The following MAP2K2 variants were observed in gnomAD, a reference collection of about 807,000 sequenced individuals.
MAP2K2 encodes dual specificity mitogen-activated protein kinase kinase 2.
MAP2K2 carries 24 observed loss-of-function variants against 43.7 expected under a neutral mutation model. The observed-to-expected ratio is 0.55, with a 90% CI of 0.40 to 0.77. The LOEUF (loss-of-function observed/expected upper bound fraction) is 0.77. Ranked by LOEUF, MAP2K2 falls within the 30% of genes least tolerant of loss-of-function variation. The probability of loss-of-function intolerance (pLI) is 0.00; values close to 1 mark genes in which losing one functional copy is unlikely to be tolerated. For synonymous variants in MAP2K2, 244 were observed against 239.7 expected, an observed-to-expected ratio of 1.02 and a Z score of -0.17; for missense variants, 470 against 566.8, an observed-to-expected ratio of 0.83 and a Z score of 1.73.
rs564816566 is a variant in MAP2K2, at chr19:4,122,677, C to T, written c.92+1107G>A. Among the ~76,000 whole-genome samples the T allele has an allele frequency of 3.2e-3, 484 of 150,038 alleles. 1 individual carries two copies. The highest frequency in any genetic ancestry group is 0.011 in the African/African-American group (464 of 40,638). The stretch of plus-strand genomic sequence containing the variant: ...TCTCACGACTTAGGGATTCCAAACC[C>T]CATCTTTTCCCCAAAGGGATCTCCC... On this transcript the variant is annotated intron_variant, in intron 1 of 10. Coordinates refer to ENST00000262948, the MANE Select transcript of MAP2K2 (RefSeq NM_030662.4).
At chr19:4,099,046 C>G (rs749137593) in intron 7 of MAP2K2, 155 bp downstream of exon 7, 20 of 669,868 alleles carry the variant, frequency 3.0e-5, no homozygotes, top group Admixed American at 7.6e-5. Flanking sequence ...CCGGAAACCC[C>G]AGGACCATGG....
At position 4,099,313 on chromosome 19, in the gene MAP2K2, C is replaced by T. The variant is rs779598598; in HGVS notation, c.807G>A (p.Pro269=). 12 of 1,607,364 alleles carry T rather than the reference C, an allele frequency of 7.5e-6. No homozygotes were observed. Among genetic ancestry groups the T allele is most frequent in the South Asian group, 3.3e-5 (3 of 90,256 alleles). Residue 269 remains proline (P), a synonymous_variant, in exon 7 of 11, where the codon CCG becomes CCA. Coordinates refer to ENST00000262948, the MANE Select transcript of MAP2K2 (RefSeq NM_030662.4). The part of the protein sequence containing the change: ...ELAVGRYPIP[P]PDAKELEAIF... The stretch of plus-strand genomic sequence containing the variant: ...TGGCCTCCAGCTCTTTGGCGTCGGG[C>T]GGGGGGATGGGGTACCTTCCGACGG...
intron 1 of MAP2K2, among the ~76,000 whole-genome samples, chr19:4,118,099 G>C (rs1041148784): frequency 2.6e-5 from 4 of 152,040 alleles, no homozygotes; most frequent in African/African-American, 9.7e-5. Context: ...CACCATGCCC[G>C]GCTAATTTTT....
intron 2 of MAP2K2, among the ~76,000 whole-genome samples, chr19:4,112,173 G>C (rs930720924): frequency 1.3e-5 from 2 of 152,238 alleles, no homozygotes; most frequent in Non-Finnish European, 2.9e-5. Flanking sequence ...CCGCCACAGA[G>C]GCAAAGCCAG....
intron 3 of MAP2K2, among the ~76,000 whole-genome samples, chr19:4,109,623 C>G (rs1414748778): frequency 6.6e-6 from 1 of 152,072 alleles, no homozygotes; most frequent in Non-Finnish European, 1.5e-5. Flanking sequence ...TTAAAACAGG[C>G]ACGTGCCACC....
At chr19:4,106,625 C>T (rs941476883) in intron 3 of MAP2K2, among the ~76,000 whole-genome samples, 2 of 152,104 alleles carry the variant, frequency 1.3e-5, no homozygotes, top group Non-Finnish European at 2.9e-5. Flanking sequence ...CCAGGATGGT[C>T]TTGAACTCTT....
rs1408360787 is a variant in MAP2K2, at chr19:4,123,832, T to C, written c.44A>G (p.Asn15Ser). ...RKPVLPALTINPTIAEGPSPT... is the reference protein window; with the variant it reads ...RKPVLPALTISPTIAEGPSPT... ...GGATGGGCCCTCGGCGATGGTAGGG[T>C]TGATGGTGAGCGCCGGCAGCACCGG... The change falls in exon 1 of 11, where the codon AAC becomes AGC. Residue 15 changes from asparagine to serine, a missense_variant. By Grantham distance (46) the Asn-to-Ser change is conservative. Around this residue, in one of 3 missense-constraint regions of MAP2K2, gnomAD observed 58 missense variants for 48.0 expected, o/e 1.21. Coordinates refer to ENST00000262948, the MANE Select transcript of MAP2K2 (RefSeq NM_030662.4). 3.2e-6 allele frequency: 5 copies of C among 1,545,508 alleles called. No individual in the cohort carries two copies. Among genetic ancestry groups the C allele is most frequent in the East Asian group, 5.1e-5 (2 of 38,968 alleles).
rs187023594 is a variant in MAP2K2 at position 4,112,300 on chromosome 19, C to A, written c.304-1645G>T. ...AGACCACCTCAATGTGGCAAAAAGT[C>A]CACCAAGGAGAATCAACCCAGGTGC... On this transcript the variant is annotated intron_variant, in intron 2 of 10. Coordinates refer to ENST00000262948, the MANE Select transcript of MAP2K2 (RefSeq NM_030662.4). Among the ~76,000 whole-genome samples, 16 of 152,338 alleles carry A rather than the reference C, an allele frequency of 1.1e-4. No homozygotes were observed. In the East Asian group the frequency reaches 3.1e-3, roughly 29 times the overall value.
intron 6 of MAP2K2, 158 bp downstream of exon 6, chr19:4,100,861 G>A: frequency 1.2e-6 from 1 of 835,958 alleles, no homozygotes; most frequent in Non-Finnish European, 1.9e-6. Flanking sequence ...CCTCGTGGGA[G>A]GCGGGGAGAG....
intron 9 of MAP2K2, chr19:4,094,886 G>A (rs946716627): frequency 1.3e-5 from 5 of 398,222 alleles, no homozygotes; most frequent in South Asian, 9.1e-5. Flanking sequence ...GCCGTTCCAC[G>A]GCGTCCCGAG....
intron 1 of MAP2K2, among the ~76,000 whole-genome samples, chr19:4,120,616 C>A (rs2041281034): frequency 6.6e-6 from 1 of 152,234 alleles, no homozygotes; most frequent in Non-Finnish European, 1.5e-5. Context: ...CACACCCAGC[C>A]ATGAATGAAC....
At chr19:4,110,374 T>C in intron 3 of MAP2K2, 135 bp downstream of exon 3, 6 of 1,055,590 alleles carry the variant, frequency 5.7e-6, no homozygotes, top group Non-Finnish European at 7.1e-6. Flanking sequence ...TGGCATCGAC[T>C]GCCTTGAGAA....
At chr19:4,121,461 A>C (rs1044773103) in intron 1 of MAP2K2, among the ~76,000 whole-genome samples, 1 of 151,272 alleles carries the variant, frequency 6.6e-6, no homozygotes, top group Admixed American at 6.6e-5. Flanking sequence ...ATGCCCTCTC[A>C]GAGATGCCCA....
At chr19:4,102,769 C>A in intron 3 of MAP2K2, 5 of 1,273,318 alleles carry the variant, frequency 3.9e-6, no homozygotes, top group Non-Finnish European at 5.0e-6. Flanking sequence ...GCCCAAGCCG[C>A]GGCCGGGGGC....
intron 10 of MAP2K2, among the ~76,000 whole-genome samples, chr19:4,092,141 G>C (rs577644698): frequency 1.3e-5 from 2 of 152,314 alleles, no homozygotes; most frequent in South Asian, 2.1e-4. Flanking sequence ...CCAGGACCTT[G>C]GGCCCCTGAA....
chr19:4,113,983 G>A lies in MAP2K2; in HGVS notation c.304-3328C>T, dbSNP rs180750226. 3.9e-5 allele frequency among the ~76,000 whole-genome samples: 6 copies of A among 152,320 alleles called. No individual in the cohort carries two copies. In the East Asian group the frequency reaches 9.6e-4, roughly 24 times the overall value. Reference sequence around the variant, plus strand: ...CCCACACTGCGCTTCCAAACATCCTGAATTAGGTGTTGTCAAAAATTGGAA... The same window carrying A: ...CCCACACTGCGCTTCCAAACATCCTAAATTAGGTGTTGTCAAAAATTGGAA... On this transcript the variant is annotated intron_variant, in intron 2 of 10. Coordinates refer to ENST00000262948, the MANE Select transcript of MAP2K2 (RefSeq NM_030662.4).
At chr19:4,107,774 A>G (rs907830388) in intron 3 of MAP2K2, among the ~76,000 whole-genome samples, 8 of 152,176 alleles carry the variant, frequency 5.3e-5, no homozygotes, top group African/African-American at 1.9e-4. Flanking sequence ...ATGAGGAAAC[A>G]GCGTAGAAAT....
intron 8 of MAP2K2, 73 bp downstream of exon 8, chr19:4,097,206 A>C: frequency 2.0e-5 from 4 of 199,514 alleles, no homozygotes; most frequent in Non-Finnish European, 3.1e-5. Context: ...GACTCTGCCT[A>C]AAAAAAAAAA....
intron 3 of MAP2K2, chr19:4,102,985 A>C: frequency 5.6e-6 from 6 of 1,063,832 alleles, no homozygotes; most frequent in Non-Finnish European, 5.7e-6. Context: ...GCCCGTCCAG[A>C]CCCCCAGGGG....
Sources: allele counts gnomAD v4.1 joint callset (sites outside exome capture counted in the v4.1 genomes callset), GRCh38; gene constraint gnomAD v4.1.1; regional missense constraint gnomAD v4.1.1; transcripts MANE v1.5; gene names NCBI Gene and HGNC (gene_info 2026-07-23, HGNC 2026-07-21).